DENND2A: variants seen among roughly 807,000 people sequenced by gnomAD.
DENND2A encodes the protein DENN domain-containing protein 2A.
In DENND2A, 53 loss-of-function variants were observed where a neutral mutation model predicts 105.3. That is an observed-to-expected ratio of 0.50 (90% CI 0.40 to 0.63). The LOEUF is 0.63. Ranked by LOEUF, DENND2A falls within the 30% of genes least tolerant of loss-of-function variation. The pLI is 0.00. For synonymous variants in DENND2A, 522 were observed against 508.4 expected (o/e 1.03, Z -0.36); for missense variants, 1,138 against 1,279.6 (o/e 0.89, Z 1.69).
intron 9 of DENND2A, among the ~76,000 whole-genome samples, chr7:140,566,340 A>G (rs1249972597): frequency 1.3e-5 from 2 of 152,020 alleles, no homozygotes; most frequent in African/African-American, 2.4e-5. Flanking sequence ...CCTCCTTTAC[A>G]TTCTTAATAA....
intron 1 of DENND2A, among the ~76,000 whole-genome samples, chr7:140,616,739 A>C (rs1236150682): frequency 6.6e-6 from 1 of 152,216 alleles, no homozygotes; most frequent in Non-Finnish European, 1.5e-5. Context: ...TTTCCCAAAG[A>C]GTTCACAGGC....
At chr7:140,522,940 A>G (rs1401753954) in intron 17 of DENND2A, among the ~76,000 whole-genome samples, 6 of 145,264 alleles carry the variant, frequency 4.1e-5, no homozygotes, top group African/African-American at 1.5e-4. Flanking sequence ...TTGAGATGGG[A>G]TCTCACTCTG....
intron 14 of DENND2A, among the ~76,000 whole-genome samples, chr7:140,536,219 G>C (rs978298993): frequency 3.3e-5 from 5 of 152,154 alleles, no homozygotes; most frequent in African/African-American, 7.2e-5. Context: ...GCCAGCCGTG[G>C]TGGCACATGC....
chr7:140,617,496 G>T (rs1051991034), intron 1 of DENND2A, among the ~76,000 whole-genome samples: 2 of 152,054 alleles, frequency 1.3e-5, no homozygotes, highest in Non-Finnish European at 2.9e-5. Flanking sequence ...AGGCCGAGGC[G>T]GGTGGATCAC....
chr7:140,623,909 G>A (rs954967899), intron 1 of DENND2A, among the ~76,000 whole-genome samples: 21 of 152,216 alleles, frequency 1.4e-4, no homozygotes, highest in African/African-American at 4.3e-4. Context: ...AATTTCTGTG[G>A]GAAATTAAAA....
chr7:140,556,483 C>T (rs929047155), intron 11 of DENND2A, among the ~76,000 whole-genome samples: 3 of 151,990 alleles, frequency 2.0e-5, no homozygotes, highest in Non-Finnish European at 2.9e-5. Context: ...GGATTACAGG[C>T]GTGTGCCACC....
chr7:140,556,475 A>AT (rs139631392), intron 11 of DENND2A, among the ~76,000 whole-genome samples: 3,663 of 151,936 alleles, frequency 0.024, 145 homozygotes, highest in African/African-American at 0.084. Context: ...AATAGCTGGG[A>AT]TTACAGGCGT....
At chr7:140,553,783 A>T (rs547312678) in intron 12 of DENND2A, among the ~76,000 whole-genome samples, 27 of 152,254 alleles carry the variant, frequency 1.8e-4, no homozygotes, top group Non-Finnish European at 3.5e-4. Flanking sequence ...GAGTGGACAC[A>T]GCACGTTTCA....
intron 1 of DENND2A, among the ~76,000 whole-genome samples, chr7:140,608,006 A>G (rs1174469066): frequency 6.6e-6 from 1 of 152,178 alleles, no homozygotes; most frequent in East Asian, 1.9e-4. Flanking sequence ...TGCCCTCAAG[A>G]AAACAGTTTC....
chr7:140,583,233 C>T (rs552169972), intron 5 of DENND2A, among the ~76,000 whole-genome samples: 18 of 151,898 alleles, frequency 1.2e-4, no homozygotes, highest in Non-Finnish European at 2.2e-4. Context: ...GGCGTGAACC[C>T]GGGAGGTGGA....
At chr7:140,572,212 G>T (rs1253106160) in intron 6 of DENND2A, among the ~76,000 whole-genome samples, 1 of 151,712 alleles carries the variant, frequency 6.6e-6, no homozygotes, top group Non-Finnish European at 1.5e-5. Flanking sequence ...CCACCATGTT[G>T]CCCAGGCTGG....
rs778340182 is a variant in DENND2A, at chr7:140,567,303, A to G, written c.1592-30T>C. The G allele has an allele frequency of 1.1e-4, 82 of 780,178 alleles. 1 individual carries two copies. In the African/African-American group the frequency reaches 2.8e-3, roughly 27 times the overall value. 48.3% of individuals were successfully genotyped at this position (780,178 alleles called of 1,614,324 possible). On this transcript the variant is annotated intron_variant, in intron 8 of 19. Transcript: ENST00000496613. ...GTGAGGGAGGGAGAGAGAAAGAGAG[A>G]AAGAGAGAGAGAGAGAGAGAGAGAG... is the stretch of plus-strand genomic sequence containing the variant.
intron 12 of DENND2A, among the ~76,000 whole-genome samples, chr7:140,552,517 T>A (rs1210365957): frequency 1.3e-5 from 2 of 151,608 alleles, no homozygotes; most frequent in Non-Finnish European, 2.9e-5. Context: ...CCGCTCAGCC[T>A]CCCAGGTAGC....
rs9691338 is a variant in DENND2A at position 140,611,516 on chromosome 7, C to A, written c.-247-5710G>T. Among the ~76,000 whole-genome samples, 864 of 152,162 alleles carry A rather than the reference C, an allele frequency of 5.7e-3. 9 individuals are homozygous for A. The highest frequency in any genetic ancestry group is 0.02 in the African/African-American group (819 of 41,506). The stretch of plus-strand genomic sequence containing the variant: ...TTGCATCACTGCACTCCAGCCTACA[C>A]AACAGAGCGAGACCCTGTCTCAAAA... On this transcript the variant is annotated intron_variant, in intron 1 of 19. Transcript: ENST00000496613.
chr7:140,598,014 C>CA (rs34739119), intron 3 of DENND2A, among the ~76,000 whole-genome samples: 45,951 of 151,366 alleles, frequency 0.3, 7,077 homozygotes, highest in Middle Eastern at 0.39. Context: ...ATGTATTCTG[C>CA]AAAAAAAAGA....
chr7:140,636,036 A>C (rs961806397), intron 1 of DENND2A, among the ~76,000 whole-genome samples: 4 of 152,018 alleles, frequency 2.6e-5, no homozygotes, highest in Non-Finnish European at 5.9e-5. Context: ...GGGGCCTGGC[A>C]CTCTTCCCTG....
chr7:140,573,659 C>G, intron 6 of DENND2A, 149 bp downstream of exon 6: 1 of 891,384 alleles, frequency 1.1e-6, no homozygotes, highest in Non-Finnish European at 1.7e-6. Flanking sequence ...GATATTCCAG[C>G]CTGCTGGCTT....
intron 16 of DENND2A, among the ~76,000 whole-genome samples, chr7:140,525,472 A>G (rs990744509): frequency 8.5e-5 from 13 of 152,126 alleles, no homozygotes; most frequent in Admixed American, 6.6e-4. Flanking sequence ...AAAATGAAAA[A>G]TCTAGGTGCC....
At chr7:140,563,491 AG>A (rs2130582584) in intron 9 of DENND2A, among the ~76,000 whole-genome samples, 1 of 152,158 alleles carries the variant, frequency 6.6e-6, no homozygotes, top group South Asian at 2.1e-4. Context: ...GCATGCAAAT[AG>A]GGGCTGTGCC....
Sources: allele counts gnomAD v4.1 joint callset (sites outside exome capture counted in the v4.1 genomes callset), GRCh38; gene constraint gnomAD v4.1.1; transcripts MANE v1.5; gene names NCBI Gene and HGNC (gene_info 2026-07-23, HGNC 2026-07-21).